The following TRAF2 variants were observed in gnomAD, a reference collection of about 807,000 sequenced individuals.
TRAF2 encodes TNF receptor associated factor 2, also known as TNF receptor-associated factor 2.
TRAF2 carries 6 observed loss-of-function variants against 55.6 expected under a neutral mutation model. The observed-to-expected ratio is 0.11, with a 90% CI of 0.06 to 0.21. The LOEUF is 0.21. Among genes scored for constraint, TRAF2 ranks in the 10% least tolerant of loss-of-function variants. The pLI, the probability that TRAF2 is intolerant of heterozygous loss-of-function variation, is 1.00. For missense variants in TRAF2, 561 were observed against 684.5 expected, an observed-to-expected ratio of 0.82 and a Z score of 2.01; for synonymous variants, 329 against 276.3, an observed-to-expected ratio of 1.19 and a Z score of -1.89.
chr9:136,909,382 C>G (rs1850043499), intron 5 of TRAF2, among the ~76,000 whole-genome samples: 1 of 152,234 alleles, frequency 6.6e-6, no homozygotes, highest in African/African-American at 2.4e-5. Flanking sequence ...GGGTCTCTCT[C>G]TGCCTCTGGG....
intron 10 of TRAF2, among the ~76,000 whole-genome samples, chr9:136,925,436 G>A (rs932452901): frequency 2.0e-5 from 3 of 152,280 alleles, no homozygotes; most frequent in Non-Finnish European, 2.9e-5. Flanking sequence ...TCAGTGGACA[G>A]GAAAGGCCAG....
intron 5 of TRAF2, among the ~76,000 whole-genome samples, chr9:136,909,292 C>T (rs1440494682): frequency 1.4e-5 from 2 of 139,420 alleles, no homozygotes; most frequent in South Asian, 2.3e-4. Context: ...CCTGTGTCTG[C>T]GTCCCTGTTG....
At chr9:136,907,073 G>A (rs1325806698) in intron 4 of TRAF2, among the ~76,000 whole-genome samples, 3 of 152,266 alleles carry the variant, frequency 2.0e-5, no homozygotes, top group African/African-American at 7.2e-5. Flanking sequence ...GAGGTGGCTG[G>A]GTTCTGCATC....
At chr9:136,917,797 C>G (rs780510668) in intron 7 of TRAF2, among the ~76,000 whole-genome samples, 16 of 152,216 alleles carry the variant, frequency 1.1e-4, no homozygotes, top group Non-Finnish European at 1.9e-4. Flanking sequence ...GTGTTCTTGT[C>G]TGTTTCCTGC....
chr9:136,921,241 C>A (rs768333566), intron 9 of TRAF2, 26 bp downstream of exon 9: 1 of 1,611,610 alleles, frequency 6.2e-7, no homozygotes, highest in Non-Finnish European at 8.5e-7. Flanking sequence ...CCCCACCTCA[C>A]TGCAGCTGCT....
chr9:136,912,536 T>G (rs1218098989), intron 6 of TRAF2, among the ~76,000 whole-genome samples: 1 of 152,006 alleles, frequency 6.6e-6, no homozygotes, highest in Non-Finnish European at 1.5e-5. Flanking sequence ...ATATATAGAG[T>G]AGGTTTAAAA....
At chr9:136,919,416 C>T (rs994122540) in intron 7 of TRAF2, among the ~76,000 whole-genome samples, 1 of 151,220 alleles carries the variant, frequency 6.6e-6, no homozygotes, top group Non-Finnish European at 1.5e-5. Context: ...CTGCCTCAGC[C>T]TCCCAAGTAG....
chr9:136,906,642 CAAA>C (rs971617819), intron 4 of TRAF2, among the ~76,000 whole-genome samples: 20 of 152,036 alleles, frequency 1.3e-4, no homozygotes, highest in African/African-American at 4.8e-4. Flanking sequence ...GACCCTGTCT[CAAA>C]AAACAAAACA....
At chr9:136,890,906 G>A (rs751471288) in intron 1 of TRAF2, among the ~76,000 whole-genome samples, 26 of 152,120 alleles carry the variant, frequency 1.7e-4, no homozygotes, top group Non-Finnish European at 2.9e-4. Context: ...AGCGTCTGCC[G>A]GTGGTGGAGG....
At position 136,920,529 on chromosome 9, in the gene TRAF2, G is replaced by A. The variant is rs768932900; in HGVS notation, c.960+14G>A. 1.2e-5 allele frequency: 19 copies of A among 1,599,552 alleles called. No individual in the cohort carries two copies. The highest frequency in any genetic ancestry group is 2.2e-5 in the East Asian group (1 of 44,652). ...CTGAGTAGCAAGGTTTGTGCCTGCC[G>A]GGTGGCCAGCCATGAGGAGGACAGT... On this transcript the variant is annotated intron_variant, in intron 8 of 10. Transcript: ENST00000247668.
At chr9:136,903,843 G>A (rs773076035) in intron 4 of TRAF2, among the ~76,000 whole-genome samples, 3 of 152,052 alleles carry the variant, frequency 2.0e-5, no homozygotes, top group South Asian at 4.2e-4. Context: ...CACCACTCCC[G>A]GCTAATTTTT....
intron 1 of TRAF2, among the ~76,000 whole-genome samples, chr9:136,898,241 A>G (rs1849731373): frequency 6.6e-6 from 1 of 152,224 alleles, no homozygotes; most frequent in Non-Finnish European, 1.5e-5. Context: ...GCCAGCAGGC[A>G]GGCGTCTCCT....
chr9:136,915,420 C>T (rs1850217644), intron 6 of TRAF2, among the ~76,000 whole-genome samples: 1 of 152,038 alleles, frequency 6.6e-6, no homozygotes, highest in Non-Finnish European at 1.5e-5. Flanking sequence ...CACATCAGTC[C>T]TCTGTATCGG....
intron 3 of TRAF2, 60 bp from the exon 4 acceptor site, chr9:136,900,362 C>T (rs1761888951): frequency 1.6e-6 from 2 of 1,272,272 alleles, no homozygotes; most frequent in African/African-American, 1.5e-5. Context: ...GGTCTGTGTT[C>T]CTTGGTTGCT....
intron 7 of TRAF2, among the ~76,000 whole-genome samples, chr9:136,917,471 C>T (rs961000376): frequency 3.9e-5 from 6 of 152,202 alleles, no homozygotes; most frequent in Non-Finnish European, 5.9e-5. Flanking sequence ...GTCTCTTGTC[C>T]GTCTTGCCCT....
chr9:136,887,993 C>T (rs1027698889), intron 1 of TRAF2, among the ~76,000 whole-genome samples: 8 of 152,028 alleles, frequency 5.3e-5, no homozygotes, highest in Admixed American at 1.3e-4. Flanking sequence ...CCTCAGCCTC[C>T]CGAGCAGCTG....
chr9:136,921,409 G>GAT (rs1169707295), intron 9 of TRAF2, among the ~76,000 whole-genome samples, 194 bp downstream of exon 9: 15 of 152,210 alleles, frequency 9.9e-5, no homozygotes, highest in Non-Finnish European at 2.1e-4. Context: ...GGTGCCCTCG[G>GAT]GCAGGGGTCG....
At position 136,906,810 on chromosome 9, in the gene TRAF2, G is replaced by A. The variant is rs17250351; in HGVS notation, c.367-1260G>A. Among the ~76,000 whole-genome samples, 992 of 152,324 alleles carry A rather than the reference G, an allele frequency of 6.5e-3. 9 individuals are homozygous for A. Among genetic ancestry groups the A allele is most frequent in the Non-Finnish European group, 9.7e-3 (662 of 68,042 alleles). Reference sequence around the variant, plus strand: ...ACGTTCAGTCTGCCGGCAGGTCCACGTGGCTCCCCAGACACATCCTGAATC... The same window carrying A: ...ACGTTCAGTCTGCCGGCAGGTCCACATGGCTCCCCAGACACATCCTGAATC... On this transcript the variant is annotated intron_variant, in intron 4 of 10. Transcript: ENST00000247668.
At chr9:136,925,196 AG>A (rs952652765) in intron 10 of TRAF2, among the ~76,000 whole-genome samples, 24 of 152,010 alleles carry the variant, frequency 1.6e-4, no homozygotes, top group Admixed American at 1.1e-3. Flanking sequence ...TGGGTGGGGG[AG>A]GGGGTGTGGA....
Sources: allele counts gnomAD v4.1 joint callset (sites outside exome capture counted in the v4.1 genomes callset), GRCh38; gene constraint gnomAD v4.1.1; transcripts MANE v1.5; gene names NCBI Gene and HGNC (gene_info 2026-07-23, HGNC 2026-07-21).